The following PCDH15 variants were observed in gnomAD, a reference collection of about 807,000 sequenced individuals.
PCDH15 encodes the protein protocadherin related 15.
A neutral mutation model predicts 178.5 loss-of-function variants in PCDH15; 129 were observed. The ratio of observed to expected loss-of-function variants is 0.72; its 90% CI spans 0.63 to 0.84. The LOEUF is 0.84. Among genes scored for constraint, PCDH15 ranks in the 40% least tolerant of loss-of-function variants. PCDH15 has a pLI of 0.00. For missense variants in PCDH15, 2,230 were observed against 2,099.9 expected (o/e 1.06, Z -1.21); for synonymous variants, 800 against 732.0 (o/e 1.09, Z -1.50).
chr10:55,215,044 T>C (rs2132175481), intron 1 of PCDH15, among the ~76,000 whole-genome samples: 1 of 152,178 alleles, frequency 6.6e-6, no homozygotes, highest in South Asian at 2.1e-4. Context: ...AAAACATACA[T>C]TGTGAATTCT....
chr10:55,082,145 G>A (rs912419861), intron 2 of PCDH15, among the ~76,000 whole-genome samples: 1 of 152,050 alleles, frequency 6.6e-6, no homozygotes, highest in Non-Finnish European at 1.5e-5. Context: ...TTAGCAAATG[G>A]ATCATCCTCA....
At chr10:55,592,787 A>C (rs1253406540) in intron 2 of PCDH15, among the ~76,000 whole-genome samples, 1 of 152,134 alleles carries the variant, frequency 6.6e-6, no homozygotes, top group African/African-American at 2.4e-5. Context: ...ACTGTTATTT[A>C]ATTATGTAAT....
intron 2 of PCDH15, among the ~76,000 whole-genome samples, chr10:54,559,051 A>G (rs2087696336): frequency 2.0e-5 from 3 of 152,112 alleles, no homozygotes; most frequent in Admixed American, 1.3e-4. Context: ...ACTCTAAGAA[A>G]TTGTGAAATC....
chr10:54,826,899 A>C (rs187017705), intron 3 of PCDH15, among the ~76,000 whole-genome samples: 2 of 152,230 alleles, frequency 1.3e-5, no homozygotes, highest in Admixed American at 1.3e-4. Flanking sequence ...TTTCTAGTGA[A>C]CTTATATGCA....
intron 2 of PCDH15, among the ~76,000 whole-genome samples, chr10:54,934,378 T>C (rs1837853423): frequency 6.6e-6 from 1 of 152,144 alleles, no homozygotes; most frequent in Admixed American, 6.6e-5. Context: ...GACTATAGTC[T>C]GAAAATACTA....
chr10:53,990,761 G>A (rs1335018319), intron 21 of PCDH15, among the ~76,000 whole-genome samples: 1 of 152,022 alleles, frequency 6.6e-6, no homozygotes, highest in Non-Finnish European at 1.5e-5. Context: ...CCCCTCTCTG[G>A]GCTGGCTGAG....
chr10:54,624,870 G>T (rs530408815), intron 2 of PCDH15, among the ~76,000 whole-genome samples: 1 of 152,194 alleles, frequency 6.6e-6, no homozygotes, highest in Admixed American at 6.5e-5. Context: ...CACCCAGGTG[G>T]GATTGTCTAG....
At chr10:54,539,719 C>G (rs76284192) in intron 2 of PCDH15, among the ~76,000 whole-genome samples, 6,408 of 152,222 alleles carry the variant, frequency 0.042, 176 homozygotes, top group African/African-American at 0.057. Context: ...AGATCAACCA[C>G]ATGGTTAGCC....
intron 5 of PCDH15, among the ~76,000 whole-genome samples, chr10:54,349,205 G>A (rs184088864): frequency 4.6e-4 from 70 of 152,278 alleles, no homozygotes; most frequent in African/African-American, 1.6e-3. Context: ...TCTGCTTACT[G>A]GGGTAATGTA....
chr10:55,106,444 G>T (rs926800533), intron 2 of PCDH15, among the ~76,000 whole-genome samples: 1 of 152,018 alleles, frequency 6.6e-6, no homozygotes, highest in South Asian at 2.1e-4. Context: ...AAGGAGTCTC[G>T]CTCTTGTCGC....
At chr10:55,043,439 A>C (rs1208340458) in intron 2 of PCDH15, among the ~76,000 whole-genome samples, 1 of 152,040 alleles carries the variant, frequency 6.6e-6, no homozygotes, top group Non-Finnish European at 1.5e-5. Flanking sequence ...AAGGCTGGGC[A>C]CAGTGACACC....
At chr10:55,446,360 A>G (rs1196883108) in intron 2 of PCDH15, among the ~76,000 whole-genome samples, 1 of 151,878 alleles carries the variant, frequency 6.6e-6, no homozygotes, top group Non-Finnish European at 1.5e-5. Flanking sequence ...AGTTTATTTA[A>G]TAAGATAAAA....
chr10:54,975,988 G>C (rs1182734769), intron 2 of PCDH15, among the ~76,000 whole-genome samples: 2 of 151,922 alleles, frequency 1.3e-5, no homozygotes, highest in African/African-American at 4.8e-5. Context: ...TGGTAATTCT[G>C]TTTACCCTGA....
chr10:54,156,641 C>T (rs994081651), intron 13 of PCDH15, among the ~76,000 whole-genome samples: 1 of 152,142 alleles, frequency 6.6e-6, no homozygotes, highest in African/African-American at 2.4e-5. Context: ...AACCCTGGCC[C>T]CTCCCAAATC....
intron 3 of PCDH15, among the ~76,000 whole-genome samples, chr10:54,842,247 T>C (rs1011231914): frequency 1.3e-5 from 2 of 151,552 alleles, no homozygotes; most frequent in Non-Finnish European, 3.0e-5. Context: ...ACAGATTTAA[T>C]TGGTAGAGTC....
At chr10:55,265,003 T>C (rs553780674) in intron 1 of PCDH15, among the ~76,000 whole-genome samples, 74 of 152,206 alleles carry the variant, frequency 4.9e-4, no homozygotes, top group African/African-American at 1.7e-3. Flanking sequence ...GAATTAAAGA[T>C]ACAAATCCGA....
At chr10:55,075,448 C>T (rs1364745662) in intron 2 of PCDH15, among the ~76,000 whole-genome samples, 1 of 150,914 alleles carries the variant, frequency 6.6e-6, no homozygotes, top group Admixed American at 6.6e-5. Context: ...TCACAGCAAC[C>T]TCTGCCTCCC....
chr10:55,016,097 TTAAA>T (rs137933863), intron 2 of PCDH15, among the ~76,000 whole-genome samples: 2,798 of 56,950 alleles, frequency 0.049, 151 homozygotes, highest in East Asian at 0.34. Flanking sequence ...CCTTTTTTTT[TTAAA>T]AAAAAAAAAA....
chr10:53,841,518 T>C (rs2077645599), intron 28 of PCDH15, among the ~76,000 whole-genome samples: 1 of 152,176 alleles, frequency 6.6e-6, no homozygotes, highest in East Asian at 1.9e-4. Flanking sequence ...ATGTGCTTGG[T>C]TTGCCTTGTT....
Sources: allele counts gnomAD v4.1 joint callset (sites outside exome capture counted in the v4.1 genomes callset), GRCh38; gene constraint gnomAD v4.1.1; transcripts MANE v1.5; gene names NCBI Gene and HGNC (gene_info 2026-07-23, HGNC 2026-07-21).